The following SENP5 variants were observed in gnomAD, a reference collection of about 807,000 sequenced individuals.
SENP5 encodes sentrin-specific protease 5.
Under a neutral mutation model 74.2 loss-of-function variants are expected in SENP5, and 21 were observed. The ratio of observed to expected loss-of-function variants is 0.28; its 90% CI spans 0.20 to 0.41. The LOEUF (loss-of-function observed/expected upper bound fraction) is 0.41, where lower values mean the gene tolerates loss of function less well. Ranked by LOEUF, SENP5 falls within the 10% of genes least tolerant of loss-of-function variation. SENP5 has a pLI of 1.00. For missense variants in SENP5, 717 were observed against 889.1 expected, an observed-to-expected ratio of 0.81 and a Z score of 2.46; for synonymous variants, 311 against 312.7, an observed-to-expected ratio of 0.99 and a Z score of 0.06.
intron 6 of SENP5, among the ~76,000 whole-genome samples, chr3:196,908,083 T>C (rs4916579): frequency 0.66 from 100,368 of 151,860 alleles, 34,213 homozygotes; most frequent in Non-Finnish European, 0.75. Context: ...GAGTTTCAAA[T>C]CAGCCTAGGC....
intron 1 of SENP5, among the ~76,000 whole-genome samples, chr3:196,873,073 T>C (rs1713287729): frequency 2.1e-5 from 1 of 48,180 alleles, no homozygotes; most frequent in East Asian, 2.8e-4. Flanking sequence ...ATTTAACTTT[T>C]TTTTTTTTTT....
intron 2 of SENP5, among the ~76,000 whole-genome samples, chr3:196,895,054 C>T (rs779157970): frequency 2.0e-5 from 3 of 152,188 alleles, no homozygotes; most frequent in African/African-American, 4.8e-5. Flanking sequence ...TGTTGGAGAA[C>T]CATGTGCTTG....
Position 196,886,321 on chromosome 3 carries a change from T to C in SENP5, c.1140T>C (p.His380=). The C allele has an allele frequency of 1.9e-6, 3 of 1,613,984 alleles. No homozygotes were observed. The South Asian group carries it at 3.3e-5, about 18-fold the overall frequency. Residue 380 remains histidine, a synonymous_variant, in exon 2 of 10, where the codon CAT becomes CAC. Transcript: ENST00000323460. Reference sequence around the variant, plus strand: ...TTCATGACATCCCCTTACCAGAACATCGTTCTAATACCATGTTCATTTCAG... The same window carrying C: ...TTCATGACATCCCCTTACCAGAACACCGTTCTAATACCATGTTCATTTCAG... The part of the protein sequence containing the change: ...ELIHDIPLPE[H]RSNTMFISET...
intron 1 of SENP5, among the ~76,000 whole-genome samples, chr3:196,880,635 ATTC>A (rs1713681144): frequency 1.1e-5 from 1 of 88,226 alleles, no homozygotes; most frequent in Non-Finnish European, 2.1e-5. Flanking sequence ...TTAGCCAGTT[ATTC>A]TTTTTTTTTT....
chr3:196,932,026 A>ACTAC lies in SENP5; in HGVS notation c.*1104_*1105insTACC, dbSNP rs1716055951. ...TAGTGACCTCAGTAACATGCAGGGT[A>ACTAC]CGTCTGGCTTCTGCATGGCCAGTGC... On this transcript the variant is annotated 3_prime_UTR_variant, in exon 10 of 10. Transcript: ENST00000323460. The ACTAC allele has an allele frequency of 2.6e-6, 1 of 382,724 alleles. No individual in the cohort carries two copies. The highest frequency in any genetic ancestry group is 9.0e-5 in the East Asian group (1 of 11,070). The allele number at this position is 382,724 out of a possible 1,614,324, so 23.7% of individuals were successfully genotyped here. A position where few individuals can be genotyped will look rare whatever the true frequency, so the allele number is the denominator to read the frequency against.
chr3:196,877,781 G>A (rs1713545422), intron 1 of SENP5, among the ~76,000 whole-genome samples: 1 of 152,146 alleles, frequency 6.6e-6, no homozygotes, highest in South Asian at 2.1e-4. Context: ...AGAATCCCAG[G>A]TTGCCTTGGG....
At chr3:196,914,859 CT>C (rs1341439579) in intron 6 of SENP5, among the ~76,000 whole-genome samples, 5 of 152,024 alleles carry the variant, frequency 3.3e-5, no homozygotes, top group Admixed American at 6.6e-5. Context: ...GAAAGACACT[CT>C]TGCATTGCCT....
chr3:196,909,339 A>T (rs146409263), intron 6 of SENP5, among the ~76,000 whole-genome samples: 2,335 of 152,356 alleles, frequency 0.015, 54 homozygotes, highest in African/African-American at 0.051. Context: ...AGGTACAAAG[A>T]GGAGCTGATA....
In SENP5 at chr3:196,933,887, C is replaced by G. The variant is rs1365835223; in HGVS notation, c.*2964C>G. Reference sequence around the variant, plus strand: ...AAAGTGCTGGGATTACAGGCATGAGCTACCGTGCCTGGCCTAAACCTTACG... The same window carrying G: ...AAAGTGCTGGGATTACAGGCATGAGGTACCGTGCCTGGCCTAAACCTTACG... On this transcript the variant is annotated 3_prime_UTR_variant, in exon 10 of 10. Transcript: ENST00000323460. The G allele has an allele frequency of 6.6e-6, 1 of 152,236 alleles. No homozygotes were observed. Among genetic ancestry groups the G allele is most frequent in the Non-Finnish European group, 1.5e-5 (1 of 68,084 alleles). 9.4% of individuals were successfully genotyped at this position (152,236 alleles called of 1,614,324 possible).
At chr3:196,882,607 A>G (rs7430174) in intron 1 of SENP5, among the ~76,000 whole-genome samples, 51,964 of 151,952 alleles carry the variant, frequency 0.34, 9,923 homozygotes, top group East Asian at 0.77. Context: ...AGGTTCAGGC[A>G]ATTCCTGTGC....
intron 2 of SENP5, among the ~76,000 whole-genome samples, chr3:196,892,123 C>A (rs1011574665): frequency 3.3e-5 from 5 of 150,468 alleles, no homozygotes; most frequent in Admixed American, 6.7e-5. Context: ...AAAAAAAATA[C>A]AGGAAATCAT....
chr3:196,875,895 A>G (rs1214550329), intron 1 of SENP5, among the ~76,000 whole-genome samples: 1 of 151,264 alleles, frequency 6.6e-6, no homozygotes, highest in Non-Finnish European at 1.5e-5. Context: ...ACTTTTGGCT[A>G]TTTTTTTTGG....
chr3:196,883,293 T>C (rs1560141212), intron 1 of SENP5, among the ~76,000 whole-genome samples: 1 of 152,118 alleles, frequency 6.6e-6, no homozygotes, highest in Non-Finnish European at 1.5e-5. Context: ...TGTTGTGACA[T>C]CCCCAAATAT....
intron 7 of SENP5, among the ~76,000 whole-genome samples, chr3:196,926,397 G>T (rs1459555713): frequency 6.6e-6 from 1 of 150,942 alleles, no homozygotes; most frequent in African/African-American, 2.4e-5. Flanking sequence ...CAGGAGAATC[G>T]CTTGAACCTG....
At chr3:196,892,236 C>G (rs574053537) in intron 2 of SENP5, among the ~76,000 whole-genome samples, 3 of 151,778 alleles carry the variant, frequency 2.0e-5, no homozygotes, top group Admixed American at 2.0e-4. Flanking sequence ...CTCCGCCTCC[C>G]GGGTTCAAGC....
rs1716054390 is a variant in SENP5, at chr3:196,931,989, C to G, written c.*1066C>G. 1 of 442,894 alleles carries G rather than the reference C, an allele frequency of 2.3e-6. No individual in the cohort carries two copies. Among genetic ancestry groups the G allele is most frequent in the East Asian group, 7.4e-5 (1 of 13,500 alleles). 27.4% of individuals were successfully genotyped at this position (442,894 alleles called of 1,614,324 possible). ...GCGCAGCAACCGTGTCAGGTTCTTT[C>G]TCCTGTCCCATTAGTGACCTCAGTA... On this transcript the variant is annotated 3_prime_UTR_variant, in exon 10 of 10. Transcript: ENST00000323460.
chr3:196,906,767 T>C (rs1026184646), intron 6 of SENP5, among the ~76,000 whole-genome samples: 1 of 152,184 alleles, frequency 6.6e-6, no homozygotes, highest in East Asian at 1.9e-4. Flanking sequence ...ATTTTGGATT[T>C]TATCCTAAAT....
chr3:196,929,740 G>T, intron 9 of SENP5, 57 bp downstream of exon 9: 2 of 1,174,992 alleles, frequency 1.7e-6, no homozygotes, highest in South Asian at 1.2e-5. Context: ...CTGTTGGGTT[G>T]AGAGGGGAGA....
intron 6 of SENP5, among the ~76,000 whole-genome samples, chr3:196,908,250 T>C (rs981310594): frequency 6.6e-6 from 1 of 152,080 alleles, no homozygotes; most frequent in Non-Finnish European, 1.5e-5. Context: ...ACTGCACTCC[T>C]GCCTGGGTGA....
Sources: allele counts gnomAD v4.1 joint callset (sites outside exome capture counted in the v4.1 genomes callset), GRCh38; gene constraint gnomAD v4.1.1; transcripts MANE v1.5; gene names NCBI Gene and HGNC (gene_info 2026-07-23, HGNC 2026-07-21).